Variants in ECE2 observed in about 807,000 individuals in gnomAD.
The protein encoded by ECE2 is endothelin converting enzyme 2, also known as endothelin-converting enzyme 2.
Under a neutral mutation model 100.6 loss-of-function variants are expected in ECE2, and 81 were observed. The ratio of observed to expected loss-of-function variants is 0.81; its 90% CI spans 0.67 to 0.97. The LOEUF is 0.97. Among genes scored for constraint, ECE2 ranks in the 50% least tolerant of loss-of-function variants. The pLI is 0.00. For missense variants in ECE2, 911 were observed against 988.1 expected (o/e 0.92, Z 1.05); for synonymous variants, 391 against 391.5 (o/e 1.00, Z 0.02).
At chr3:184,286,057 G>C (rs551332630) in intron 10 of ECE2, among the ~76,000 whole-genome samples, 1 of 152,282 alleles carries the variant, frequency 6.6e-6, no homozygotes, top group South Asian at 2.1e-4. Context: ...AGACTTTTCT[G>C]CTATAGGACA....
chr3:184,292,427 TGCCTCCAGCAGA>T lies in ECE2; in HGVS notation c.*193_*204del, dbSNP rs1303083207. 4.6e-6 allele frequency: 3 copies of T among 645,544 alleles called. No homozygotes were observed. The highest frequency in any genetic ancestry group is 1.8e-5 in the African/African-American group (1 of 54,574). 40.0% of individuals were successfully genotyped at this position (645,544 alleles called of 1,614,324 possible). The stretch of plus-strand genomic sequence containing the variant: ...TGTGCCTCTGCTTTGGGGGTGCCCC[TGCCTCCAGCAGA>T]GCCCCCACCATTCACTGTGACATCT... On this transcript the variant is annotated 3_prime_UTR_variant, in exon 19 of 19. Coordinates refer to ENST00000404464, the MANE Select transcript of ECE2 (RefSeq NM_001100121.2).
chr3:184,290,908 T>C (rs1385547084), intron 16 of ECE2, 48 bp downstream of exon 16: 1 of 1,613,294 alleles, frequency 6.2e-7, no homozygotes, highest in South Asian at 1.1e-5. Context: ...TCCCAGTGGC[T>C]CCTGCAAGGC....
chr3:184,290,938 C>T (rs1261047491), intron 16 of ECE2, 78 bp downstream of exon 16: 15 of 1,604,906 alleles, frequency 9.3e-6, no homozygotes, highest in South Asian at 7.8e-5. Flanking sequence ...TTGATGTAGC[C>T]CCAAGGGCCC....
chr3:184,291,511 C>A lies in ECE2; in HGVS notation c.2121+72C>A. 1 of 1,356,176 alleles carries A rather than the reference C, an allele frequency of 7.4e-7. No homozygotes were observed. Among genetic ancestry groups the A allele is most frequent in the Non-Finnish European group, 9.9e-7 (1 of 1,008,416 alleles). 84.0% of individuals were successfully genotyped at this position (1,356,176 alleles called of 1,614,324 possible). On this transcript the variant is annotated intron_variant, in intron 18 of 18. Coordinates refer to ENST00000404464, the MANE Select transcript of ECE2 (RefSeq NM_001100121.2). The surrounding 1 kb of genome is among the most constrained non-coding windows in gnomAD (Gnocchi z 4.1). ...CCTCCTGAGTATGTCATTAGGAGAA[C>A]TCTGGGGCACGTGTCAAACGGGCTG...
Position 184,287,833 on chromosome 3 carries a change from A to T in ECE2, c.1264-4A>T, listed in dbSNP as rs1380748816. 2 of 1,613,902 alleles carry T rather than the reference A, an allele frequency of 1.2e-6. No individual in the cohort carries two copies. The highest frequency in any genetic ancestry group is 4.5e-5 in the East Asian group (2 of 44,874). On this transcript the variant is annotated splice_polypyrimidine_tract_variant and splice_region_variant and intron_variant, in intron 10 of 18. Transcript: ENST00000404464. ...TAGGGTCCTGGCTCTTTGTCCTTTA[A>T]CAGTCCTGTGTGCCGAGGTGGCAGA...
In ECE2 at chr3:184,289,798, G is replaced by A. The variant is rs1050373905; in HGVS notation, c.1551+80G>A. The stretch of plus-strand genomic sequence containing the variant: ...CCTGGGCTTAGAAATTGGGGCTCAA[G>A]CACTGGGAAAGAGGTGCTTGTCGGT... On this transcript the variant is annotated intron_variant, in intron 13 of 18. Transcript: ENST00000404464. This position sits in a 1 kb window ranked among gnomAD's most constrained non-coding sequence, Gnocchi z 4.1. The A allele has an allele frequency of 1.1e-5, 14 of 1,297,922 alleles. 1 individual carries two copies. In the South Asian group the frequency reaches 1.9e-4, roughly 17 times the overall value. 80.4% of individuals were successfully genotyped at this position (1,297,922 alleles called of 1,614,324 possible).
Position 184,292,132 on chromosome 3 carries a change from G to T in ECE2, c.2192G>T (p.Arg731Leu), listed in dbSNP as rs373451243. 2 of 1,613,986 alleles carry T rather than the reference G, an allele frequency of 1.2e-6. No individual in the cohort carries two copies. Among genetic ancestry groups the T allele is most frequent in the African/African-American group, 1.3e-5 (1 of 75,048 alleles). ...GTGACCGACCCCCACAGCCCTGCCC[G>T]CTTCCGCGTGCTGGGCACTCTCTCC... ...GLVTDPHSPA[R>L]FRVLGTLSNS... Residue 731 changes from arginine (R) to leucine (L), a missense_variant, in exon 19 of 19, where the codon CGC becomes CTC. Coordinates refer to ENST00000404464, the MANE Select transcript of ECE2 (RefSeq NM_001100121.2).
rs1181495008 is a variant in ECE2 at position 184,284,983 on chromosome 3, C to T, written c.1026C>T (p.Asp342=). 6.2e-7 allele frequency: 1 copy of T among 1,614,068 alleles called. No individual in the cohort carries two copies. The highest frequency in any genetic ancestry group is 8.5e-7 in the Non-Finnish European group (1 of 1,179,990). Residue 342 remains aspartate (D), a synonymous_variant, in exon 9 of 19, where the codon GAC becomes GAT. Coordinates refer to ENST00000404464, the MANE Select transcript of ECE2 (RefSeq NM_001100121.2). The part of the protein sequence containing the change: ...SELQALAPSM[D]WLEFLSFLLS... ...TTCAGGCTCTGGCGCCCTCCATGGA[C>T]TGGCTTGAGTTCCTGTCTTTCTTGC...
At chr3:184,290,465 C>T in intron 14 of ECE2, 92 bp from the exon 15 acceptor site, 1 of 1,561,560 alleles carries the variant, frequency 6.4e-7, no homozygotes, top group Non-Finnish European at 8.8e-7. Context: ...ACCGGCGGCC[C>T]CATACCCTTG....
Position 184,292,362 on chromosome 3 carries a change from C to CA in ECE2, c.*125dup, listed in dbSNP as rs1721371123. 1 of 1,131,966 alleles carries CA rather than the reference C, an allele frequency of 8.8e-7. No individual in the cohort carries two copies. Among genetic ancestry groups the CA allele is most frequent in the African/African-American group, 1.5e-5 (1 of 64,710 alleles). 70.1% of individuals were successfully genotyped at this position (1,131,966 alleles called of 1,614,324 possible). On this transcript the variant is annotated 3_prime_UTR_variant, in exon 19 of 19. Coordinates refer to ENST00000404464, the MANE Select transcript of ECE2 (RefSeq NM_001100121.2). The stretch of plus-strand genomic sequence containing the variant: ...TGGGCTGGGTCTAGTCCCTCCCCCC[C>CA]ACAGGTGACATGAGTACAGACCCTC...
At chr3:184,278,431 G>A in intron 6 of ECE2, 61 bp from the exon 7 acceptor site, 1 of 1,599,264 alleles carries the variant, frequency 6.3e-7, no homozygotes, top group Non-Finnish European at 8.5e-7. Context: ...CCCCCGCTCG[G>A]GAATTCAGGT....
In ECE2 at chr3:184,290,537, C is replaced by A. The variant is rs746180956; in HGVS notation, c.1656-20C>A. 24 of 1,610,286 alleles carry A rather than the reference C, an allele frequency of 1.5e-5. No individual in the cohort carries two copies. Among genetic ancestry groups the A allele is most frequent in the Admixed American group, 5.0e-5 (3 of 59,840 alleles). Reference sequence around the variant, plus strand: ...GTCAGGAGAGTCGGGAGCCTCAGCCCCTCACTCTTCCTCCGCCAGGTGGAG... The same window carrying A: ...GTCAGGAGAGTCGGGAGCCTCAGCCACTCACTCTTCCTCCGCCAGGTGGAG... On this transcript the variant is annotated intron_variant, in intron 14 of 18. Coordinates refer to ENST00000404464, the MANE Select transcript of ECE2 (RefSeq NM_001100121.2).
In ECE2 at chr3:184,276,379, AGCAGG is replaced by A; in HGVS notation, c.40-99_40-95del. ...CAGGTGGGAAGGGAAGGGCCCTCTT[AGCAGG>A]GCGGAGGGGTCCGCGAGGCAGGGAG... is the stretch of plus-strand genomic sequence containing the variant. On this transcript the variant is annotated intron_variant, in intron 1 of 18. Coordinates refer to ENST00000404464, the MANE Select transcript of ECE2 (RefSeq NM_001100121.2). 2.7e-6 allele frequency: 4 copies of A among 1,464,026 alleles called. No individual in the cohort carries two copies. The South Asian group carries it at 5.0e-5, about 18-fold the overall frequency. The allele number at this position is 1,464,026 out of a possible 1,614,324, so 90.7% of individuals were successfully genotyped here. A position where few individuals can be genotyped will look rare whatever the true frequency, so the allele number is the denominator to read the frequency against.
At chr3:184,281,314 T>C (rs1371826912) in intron 7 of ECE2, among the ~76,000 whole-genome samples, 1 of 152,190 alleles carries the variant, frequency 6.6e-6, no homozygotes, top group Non-Finnish European at 1.5e-5. Context: ...AGGAGAAGCA[T>C]AGGGTTCTGA....
At position 184,289,546 on chromosome 3, in the gene ECE2, G is replaced by T. The variant is rs576347901; in HGVS notation, c.1473+11G>T. 138 of 1,613,636 alleles carry T rather than the reference G, an allele frequency of 8.6e-5. No individual in the cohort carries two copies. The South Asian group carries it at 1.4e-3, about 16-fold the overall frequency. Reference sequence around the variant, plus strand: ...GCAGCCAAGGAGAAAGTGAGCGGTGGCTAGGGTTGGGGCGCCATCTTGAGG... The same window carrying T: ...GCAGCCAAGGAGAAAGTGAGCGGTGTCTAGGGTTGGGGCGCCATCTTGAGG... On this transcript the variant is annotated intron_variant, in intron 12 of 18. Transcript: ENST00000404464. This position sits in a 1 kb window ranked among gnomAD's most constrained non-coding sequence, Gnocchi z 4.1.
At position 184,292,860 on chromosome 3, in the gene ECE2, G is replaced by A. The variant is rs1721390388; in HGVS notation, c.*622G>A. ...ATATGTGTAGCGGGTACTGGTTCCT[G>A]TGTCTTAGGGCACAAGCCTTAGCAA... On this transcript the variant is annotated 3_prime_UTR_variant, in exon 19 of 19. Coordinates refer to ENST00000404464, the MANE Select transcript of ECE2 (RefSeq NM_001100121.2). 6.5e-6 allele frequency: 1 copy of A among 153,038 alleles called. No individual in the cohort carries two copies. 9.5% of individuals were successfully genotyped at this position (153,038 alleles called of 1,614,324 possible).
Position 184,289,812 on chromosome 3 carries a change from G to C in ECE2, c.1551+94G>C. The C allele has an allele frequency of 1.7e-6, 2 of 1,146,776 alleles. No homozygotes were observed. The highest frequency in any genetic ancestry group is 2.5e-6 in the Non-Finnish European group (2 of 813,394). 71.0% of individuals were successfully genotyped at this position (1,146,776 alleles called of 1,614,324 possible). A position where few individuals can be genotyped will look rare whatever the true frequency, so the allele number is the denominator to read the frequency against. ...TTGGGGCTCAAGCACTGGGAAAGAG[G>C]TGCTTGTCGGTTTCTTTTAGAGGCA... On this transcript the variant is annotated intron_variant, in intron 13 of 18. Transcript: ENST00000404464. This position sits in a 1 kb window ranked among gnomAD's most constrained non-coding sequence, Gnocchi z 4.1.
In ECE2 at chr3:184,288,832, G is replaced by A. The variant is rs538049396; in HGVS notation, c.1375-605G>A. Among the ~76,000 whole-genome samples, 8 of 152,252 alleles carry A rather than the reference G, an allele frequency of 5.3e-5. No individual in the cohort carries two copies. In the South Asian group the frequency reaches 1.7e-3, roughly 32 times the overall value. On this transcript the variant is annotated intron_variant, in intron 11 of 18. Transcript: ENST00000404464. ...CAATTCTCAATTTTCCAAATTTTCT[G>A]TGAATGTCCTCTTTTCATAATCAGA...
At chr3:184,278,969 G>T in intron 7 of ECE2, 1 of 194,722 alleles carries the variant, frequency 5.1e-6, no homozygotes, top group Admixed American at 5.3e-5. Flanking sequence ...TTGCATTTGA[G>T]CCAGGTCCTG....
Sources: allele counts gnomAD v4.1 joint callset (sites outside exome capture counted in the v4.1 genomes callset), GRCh38; gene constraint gnomAD v4.1.1; non-coding constraint Gnocchi (gnomAD v3.1); transcripts MANE v1.5; gene names NCBI Gene and HGNC (gene_info 2026-07-23, HGNC 2026-07-21).